Variants in TSHZ3 observed in about 807,000 individuals in gnomAD.
TSHZ3 encodes the protein teashirt zinc finger homeobox 3, also known as teashirt homolog 3.
A neutral mutation model predicts 64.5 loss-of-function variants in TSHZ3; 10 were observed. That is an observed-to-expected ratio of 0.16 (90% confidence interval 0.10 to 0.26). The LOEUF (loss-of-function observed/expected upper bound fraction) is 0.26. Ranked by LOEUF, TSHZ3 falls within the 10% of genes least tolerant of loss-of-function variation. The pLI, the probability that TSHZ3 is intolerant of heterozygous loss-of-function variation, is 1.00. For synonymous variants in TSHZ3, 608 were observed against 593.1 expected (o/e 1.03, Z -0.36); for missense variants, 1,242 against 1,421.7 (o/e 0.87, Z 2.03).
At chr19:31,216,705 C>T (rs552338096) in intron 4 of TSHZ3, among the ~76,000 whole-genome samples, 2 of 152,226 alleles carry the variant, frequency 1.3e-5, no homozygotes, top group African/African-American at 2.4e-5. Flanking sequence ...GGTGCGATCT[C>T]GGCTCACTGC....
chr19:31,174,755 G>A (rs1974584515), intron 5 of TSHZ3, among the ~76,000 whole-genome samples: 1 of 152,206 alleles, frequency 6.6e-6, no homozygotes. Flanking sequence ...GCTGAGGCAA[G>A]GTGACATTGG....
intron 1 of TSHZ3, among the ~76,000 whole-genome samples, chr19:31,347,287 C>G (rs760083581): frequency 2.0e-5 from 3 of 152,044 alleles, no homozygotes; most frequent in Admixed American, 2.0e-4. Context: ...GTTCCCTCCT[C>G]CTCTGATATT....
chr19:31,178,702 A>C (rs965638295), intron 5 of TSHZ3, among the ~76,000 whole-genome samples: 8 of 152,186 alleles, frequency 5.3e-5, no homozygotes, highest in Admixed American at 2.0e-4. Context: ...AGATGCTAGC[A>C]TCCTTGCCTC....
intron 5 of TSHZ3, among the ~76,000 whole-genome samples, chr19:31,191,053 G>T (rs2145137762): frequency 6.6e-6 from 1 of 152,210 alleles, no homozygotes; most frequent in South Asian, 2.1e-4. Flanking sequence ...GAGACTCAGA[G>T]ACCTAAGTAA....
At chr19:31,170,584 A>G (rs1283441762) in intron 5 of TSHZ3, among the ~76,000 whole-genome samples, 5 of 152,200 alleles carry the variant, frequency 3.3e-5, no homozygotes, top group Non-Finnish European at 5.9e-5. Flanking sequence ...TGTTCTCATT[A>G]GCTGTAATTC....
At chr19:31,339,841 G>A (rs1410390113) in intron 1 of TSHZ3, among the ~76,000 whole-genome samples, 7 of 151,534 alleles carry the variant, frequency 4.6e-5, no homozygotes, top group Non-Finnish European at 7.4e-5. Flanking sequence ...CCTGCAAAAG[G>A]CCACGCACGT....
chr19:31,193,660 GT>G (rs1442826906), intron 5 of TSHZ3, among the ~76,000 whole-genome samples: 1 of 152,126 alleles, frequency 6.6e-6, no homozygotes, highest in African/African-American at 2.4e-5. Context: ...ATCCCTTAGG[GT>G]TTTTCCAGGA....
chr19:31,151,144 A>C (rs1398146451), exon 7 of TSHZ3, among the ~76,000 whole-genome samples: 1 of 152,166 alleles, frequency 6.6e-6, no homozygotes, highest in Non-Finnish European at 1.5e-5. Flanking sequence ...CGAAGAGGAG[A>C]AAAGAGAGGA....
At chr19:31,172,009 C>T (rs1321786441) in intron 5 of TSHZ3, among the ~76,000 whole-genome samples, 5 of 152,120 alleles carry the variant, frequency 3.3e-5, no homozygotes, top group Admixed American at 2.0e-4. Flanking sequence ...TGGAGGGTCC[C>T]GTGGTTGGGG....
upstream of TSHZ3, among the ~76,000 whole-genome samples, chr19:31,349,921 A>C (rs1169912914): frequency 5.2e-5 from 6 of 114,874 alleles, no homozygotes; most frequent in Admixed American, 8.0e-5. Context: ...CCCCGGCCCC[A>C]GGCCCGCGTG....
Position 31,267,011 on chromosome 19 carries a change from C to G in TSHZ3, n.64-24136G>C, listed in dbSNP as rs975381174. Among the ~76,000 whole-genome samples, 46 of 152,314 alleles carry G rather than the reference C, an allele frequency of 3.0e-4. 3 individuals carry two copies. The highest frequency in any genetic ancestry group is 2.9e-3 in the Admixed American group (44 of 15,306). ...CCCACTTCAAGTTTCAGGGTTTGAG[C>G]CTTGCAATTTCACTTTGTTTTCTGC... On this transcript the variant is annotated intron_variant and non_coding_transcript_variant, in intron 1 of 6. Transcript: ENST00000651361.
At chr19:31,304,659 T>A (rs1393300531) in intron 1 of TSHZ3, among the ~76,000 whole-genome samples, 1 of 152,176 alleles carries the variant, frequency 6.6e-6, no homozygotes, top group African/African-American at 2.4e-5. Context: ...TTATAGCATA[T>A]GTGAGTTAGA....
chr19:31,274,323 A>T (rs1484445833), downstream of TSHZ3, among the ~76,000 whole-genome samples: 1 of 152,104 alleles, frequency 6.6e-6, no homozygotes, highest in Admixed American at 6.6e-5. Flanking sequence ...CGGGGCTAAT[A>T]AAAGCTTGTG....
At chr19:31,315,105 A>G (rs1015374764) in intron 1 of TSHZ3, among the ~76,000 whole-genome samples, 2 of 152,248 alleles carry the variant, frequency 1.3e-5, no homozygotes, top group Non-Finnish European at 2.9e-5. Flanking sequence ...AGAGATGTCT[A>G]TCACCTATGC....
chr19:31,200,030 C>T (rs1019486569), intron 5 of TSHZ3, among the ~76,000 whole-genome samples: 3 of 151,754 alleles, frequency 2.0e-5, no homozygotes, highest in Non-Finnish European at 4.4e-5. Flanking sequence ...CCTCTATATA[C>T]CTATTCGAAT....
intron 5 of TSHZ3, among the ~76,000 whole-genome samples, chr19:31,157,972 A>G (rs1974327637): frequency 6.6e-6 from 1 of 152,204 alleles, no homozygotes. Flanking sequence ...AACTTTGTCA[A>G]CTGCACGTGG....
In TSHZ3 at chr19:31,277,589, T is replaced by A; in HGVS notation, c.2204A>T (p.Lys735Met). ...LQSVMNIHLG[K>M]AAKPSLPALD... ...GGCAGGCAGGGAGGGCTTGGCGGCC[T>A]TGCCCAGGTGAATGTTCATGACTGA... Residue 735 changes from lysine (K) to methionine (M), a missense_variant, in exon 2 of 2, where the codon AAG becomes ATG. This residue lies in a region of TSHZ3 where 550 missense variants were observed against 545.1 expected (regional missense o/e 1.01). Coordinates refer to ENST00000240587, the MANE Select transcript of TSHZ3 (RefSeq NM_020856.4). The surrounding 1 kb of genome is among the most constrained non-coding windows in gnomAD (Gnocchi z 4.5). 1 of 1,594,400 alleles carries A rather than the reference T, an allele frequency of 6.3e-7. No homozygotes were observed. The highest frequency in any genetic ancestry group is 8.5e-7 in the Non-Finnish European group (1 of 1,169,988).
At chr19:31,162,373 G>A (rs994383546) in intron 5 of TSHZ3, among the ~76,000 whole-genome samples, 5 of 151,872 alleles carry the variant, frequency 3.3e-5, no homozygotes, top group African/African-American at 7.3e-5. Context: ...TGCTATTATC[G>A]GGCTGTCAGA....
chr19:31,220,773 C>T (rs1453274149), intron 4 of TSHZ3, among the ~76,000 whole-genome samples: 1 of 152,152 alleles, frequency 6.6e-6, no homozygotes, highest in Non-Finnish European at 1.5e-5. Context: ...CATGACCACA[C>T]CTCACTGCAA....
Sources: gnomAD v4.1 joint callset for allele counts (sites outside exome capture counted in the v4.1 genomes callset) on GRCh38, gnomAD v4.1.1 for gene constraint, gnomAD v4.1.1 regional missense constraint, Gnocchi (gnomAD v3.1) non-coding constraint, MANE v1.5 for transcripts, NCBI Gene and HGNC (gene_info 2026-07-23, HGNC 2026-07-21) for gene names.